Variants in CDC6 observed in about 807,000 individuals in gnomAD.
CDC6 encodes the protein DNA replication factor CDC6.
In CDC6, 46 loss-of-function variants were observed where a neutral mutation model predicts 60.2. The observed-to-expected ratio is 0.76, with a 90% CI of 0.60 to 0.98. The LOEUF is 0.98. Among genes scored for constraint, CDC6 ranks in the 50% least tolerant of loss-of-function variants. CDC6 has a pLI of 0.00. For synonymous variants in CDC6, 210 were observed against 233.2 expected, an observed-to-expected ratio of 0.90 and a Z score of 0.90; for missense variants, 596 against 652.9, an observed-to-expected ratio of 0.91 and a Z score of 0.95.
At position 40,289,533 on chromosome 17, in the gene CDC6, A is replaced by G. The variant is rs770558092; in HGVS notation, c.113A>G (p.Asn38Ser). The G allele has an allele frequency of 1.2e-6, 2 of 1,613,934 alleles. No homozygotes were observed. Among genetic ancestry groups the G allele is most frequent in the South Asian group, 2.2e-5 (2 of 91,078 alleles). Reference sequence around the variant, plus strand: ...AGTGATGCCAAACTAGAACCAACAAATGTCCAAACCGTAACCTGTTCTCCT... The same window carrying G: ...AGTGATGCCAAACTAGAACCAACAAGTGTCCAAACCGTAACCTGTTCTCCT... ...NSSDAKLEPT[N>S]VQTVTCSPRV... The change falls in exon 2 of 12, where the codon AAT becomes AGT. Residue 38 changes from asparagine to serine, a missense_variant. Coordinates refer to ENST00000209728, the MANE Select transcript of CDC6 (RefSeq NM_001254.4).
chr17:40,294,942 C>G (rs1463544874), intron 7 of CDC6, among the ~76,000 whole-genome samples: 1 of 152,100 alleles, frequency 6.6e-6, no homozygotes, highest in Non-Finnish European at 1.5e-5. Flanking sequence ...CCAGGCTGGT[C>G]TCGAACTCCT....
At position 40,302,350 on chromosome 17, in the gene CDC6, G is replaced by GTT; in HGVS notation, c.*356_*357dup. ...AACATGAGTGGGTATTTTTTTGTTTGTTTTTTTTGTTGTTGTTGTTTTTGA... is the reference window on the plus strand; with the variant it reads ...AACATGAGTGGGTATTTTTTTGTTTGTTTTTTTTTTGTTGTTGTTGTTTTTGA... On this transcript the variant is annotated 3_prime_UTR_variant, in exon 12 of 12. Transcript: ENST00000209728. 3.8e-6 allele frequency: 1 copy of GTT among 265,274 alleles called. No homozygotes were observed. Among genetic ancestry groups the GTT allele is most frequent in the East Asian group, 1.0e-4 (1 of 9,876 alleles). 16.4% of individuals were successfully genotyped at this position (265,274 alleles called of 1,614,324 possible). A position where few individuals can be genotyped will look rare whatever the true frequency, so the allele number is the denominator to read the frequency against.
chr17:40,299,663 C>T (rs1039205128), intron 9 of CDC6, among the ~76,000 whole-genome samples: 4 of 150,930 alleles, frequency 2.7e-5, no homozygotes, highest in Admixed American at 1.3e-4. Context: ...TTTGGGAGGC[C>T]GAGGAGGGCA....
In CDC6 at chr17:40,291,488, A is replaced by C. The variant is rs1266019564; in HGVS notation, c.480A>C (p.Ala160=). Residue 160 remains alanine (A), a synonymous_variant, in exon 4 of 12, where the codon GCA becomes GCC. Transcript: ENST00000209728. ...GCACAGGCACTTGCTACCAGCAAGC[A>C]AAGCTGGTCCTGAACACAGCTGTCC... The part of the protein sequence containing the change: ...FKQEGTCYQQ[A]KLVLNTAVPD... 3 of 1,614,222 alleles carry C rather than the reference A, an allele frequency of 1.9e-6. 1 individual carries two copies. The South Asian group carries it at 3.3e-5, about 18-fold the overall frequency.
chr17:40,291,821 C>G (rs565509768), intron 4 of CDC6, among the ~76,000 whole-genome samples, 153 bp downstream of exon 4: 2 of 152,238 alleles, frequency 1.3e-5, no homozygotes, highest in African/African-American at 4.8e-5. Flanking sequence ...TCTCGGCTCA[C>G]TGCAAGCTCT....
chr17:40,296,760 G>A lies in CDC6; in HGVS notation c.1242G>A (p.Leu414=). The A allele has an allele frequency of 1.9e-6, 3 of 1,592,498 alleles. No homozygotes were observed. The highest frequency in any genetic ancestry group is 2.6e-6 in the Non-Finnish European group (3 of 1,160,318). ...AAAGCCAGACTATTCTCAAACCACT[G>A]TCTGAATGTAAGTAGTTTATCTCCT... is the stretch of plus-strand genomic sequence containing the variant. The part of the protein sequence containing the change: ...DVKSQTILKP[L]SECKSPSEPL... The change falls in exon 9 of 12, where the codon CTG becomes CTA. Residue 414 remains leucine (L), a synonymous_variant. Coordinates refer to ENST00000209728, the MANE Select transcript of CDC6 (RefSeq NM_001254.4).
chr17:40,292,457 C>T (rs1330084337), intron 4 of CDC6, among the ~76,000 whole-genome samples: 2 of 151,584 alleles, frequency 1.3e-5, no homozygotes, highest in Non-Finnish European at 1.5e-5. Flanking sequence ...ATGGTGAAAC[C>T]CTGTCTCTAC....
chr17:40,294,352 TCTC>T lies in CDC6; in HGVS notation c.944-6_944-4del, dbSNP rs746767411. 1.9e-6 allele frequency: 3 copies of T among 1,590,074 alleles called. No individual in the cohort carries two copies. The highest frequency in any genetic ancestry group is 1.7e-6 in the Non-Finnish European group (2 of 1,158,646). ...TTTGACCAATGATCAATGTTGTTGA[TCTC>T]CTCCTTAGGTATTGCTAATACCCTG... On this transcript the variant is annotated splice_polypyrimidine_tract_variant and intron_variant, in intron 6 of 11. Coordinates refer to ENST00000209728, the MANE Select transcript of CDC6 (RefSeq NM_001254.4).
At chr17:40,288,966 G>C (rs1178681311) in intron 1 of CDC6, among the ~76,000 whole-genome samples, 3 of 152,220 alleles carry the variant, frequency 2.0e-5, no homozygotes, top group Non-Finnish European at 4.4e-5. Flanking sequence ...CTCCCAAAGT[G>C]CTGGGATTAC....
rs1208789625 is a variant in CDC6, at chr17:40,302,942, A to G, written c.*941A>G. On this transcript the variant is annotated 3_prime_UTR_variant, in exon 12 of 12. Coordinates refer to ENST00000209728, the MANE Select transcript of CDC6 (RefSeq NM_001254.4). ...GCATTCTTTGTCTTTTTAAGCAATC[A>G]GATTTCAAGAGAGCTCAAGCTTTCA... 6.6e-6 allele frequency: 1 copy of G among 152,214 alleles called. No homozygotes were observed. Among genetic ancestry groups the G allele is most frequent in the Admixed American group, 6.5e-5 (1 of 15,282 alleles). 9.4% of individuals were successfully genotyped at this position (152,214 alleles called of 1,614,324 possible).
rs2032960501 is a variant in CDC6, at chr17:40,302,925, T to A, written c.*924T>A. On this transcript the variant is annotated 3_prime_UTR_variant, in exon 12 of 12. Transcript: ENST00000209728. ...ATATTTATTTTCAAGTTGCATTCTTTGTCTTTTTAAGCAATCAGATTTCAA... is the reference window on the plus strand; with the variant it reads ...ATATTTATTTTCAAGTTGCATTCTTAGTCTTTTTAAGCAATCAGATTTCAA... 1 of 152,216 alleles carries A rather than the reference T, an allele frequency of 6.6e-6. No homozygotes were observed. The highest frequency in any genetic ancestry group is 1.5e-5 in the Non-Finnish European group (1 of 68,042). The allele number at this position is 152,216 out of a possible 1,614,324, so 9.4% of individuals were successfully genotyped here.
Position 40,287,989 on chromosome 17 carries a change from T to A in CDC6, c.-115T>A, listed in dbSNP as rs1369647532. 3.3e-5 allele frequency: 5 copies of A among 153,664 alleles called. No homozygotes were observed. The highest frequency in any genetic ancestry group is 1.2e-4 in the African/African-American group (5 of 41,428). The allele number at this position is 153,664 out of a possible 1,614,324, so 9.5% of individuals were successfully genotyped here. On this transcript the variant is annotated 5_prime_UTR_variant, in exon 1 of 12. Transcript: ENST00000209728. ...CTGCGTGTGAGAGACGTGAGAAGGATCCTGCACTGAGGAGGTGGAAAGAAG... is the reference window on the plus strand; with the variant it reads ...CTGCGTGTGAGAGACGTGAGAAGGAACCTGCACTGAGGAGGTGGAAAGAAG...
In CDC6 at chr17:40,291,144, C is replaced by T; in HGVS notation, c.265C>T (p.His89Tyr). ...GKKENGPPHS[H>Y]TLKGRRLVFD... The stretch of plus-strand genomic sequence containing the variant: ...GAAAGAGAATGGTCCCCCTCACTCA[C>T]ATACACTTAAGGGACGAAGATTGGT... The change falls in exon 3 of 12, where the codon CAT becomes TAT. Residue 89 changes from histidine (H) to tyrosine (Y), a missense_variant. By Grantham distance (83) the His-to-Tyr change is moderately conservative. Coordinates refer to ENST00000209728, the MANE Select transcript of CDC6 (RefSeq NM_001254.4). 1 of 1,614,150 alleles carries T rather than the reference C, an allele frequency of 6.2e-7. No homozygotes were observed. Among genetic ancestry groups the T allele is most frequent in the East Asian group, 2.2e-5 (1 of 44,892 alleles).
intron 1 of CDC6, 152 bp from the exon 2 acceptor site, chr17:40,289,254 GAT>G: frequency 1.4e-6 from 1 of 693,876 alleles, no homozygotes. Context: ...TTCTTGCATA[GAT>G]TTGGATGTGA....
At chr17:40,293,670 T>G in intron 5 of CDC6, 39 bp downstream of exon 5, 2 of 1,493,710 alleles carry the variant, frequency 1.3e-6, no homozygotes. Flanking sequence ...TGTGAAAATC[T>G]GCAAGGTCTG....
At position 40,302,024 on chromosome 17, in the gene CDC6, G is replaced by A. The variant is rs558569986; in HGVS notation, c.*23G>A. ...TAAATTCTTCTCTTACACCCCACCC[G>A]AAAGTATTCAGCTGGCATTTAGAGA... On this transcript the variant is annotated 3_prime_UTR_variant, in exon 12 of 12. Transcript: ENST00000209728. 9 of 1,322,658 alleles carry A rather than the reference G, an allele frequency of 6.8e-6. No individual in the cohort carries two copies. The highest frequency in any genetic ancestry group is 1.4e-5 in the African/African-American group (1 of 69,126). The allele number at this position is 1,322,658 out of a possible 1,614,324, so 81.9% of individuals were successfully genotyped here.
At chr17:40,301,167 G>A (rs566771163) in intron 10 of CDC6, 137 bp downstream of exon 10, 2 of 747,808 alleles carry the variant, frequency 2.7e-6, no homozygotes, top group Non-Finnish European at 4.8e-6. Flanking sequence ...ATTAATACTG[G>A]TACTATATAA....
intron 7 of CDC6, among the ~76,000 whole-genome samples, chr17:40,295,095 A>C (rs1225322276): frequency 6.6e-6 from 1 of 152,094 alleles, no homozygotes; most frequent in Admixed American, 6.6e-5. Context: ...AAAATGACTA[A>C]ATAGATTTTT....
chr17:40,293,980 G>A lies in CDC6; in HGVS notation c.867G>A (p.Leu289=), dbSNP rs1340283669. Residue 289 remains leucine, a synonymous_variant, in exon 6 of 12, where the codon CTG becomes CTA. Transcript: ENST00000209728. ...TGGTATTGGACGAGATGGATCAACT[G>A]GACAGCAAAGGCCAGGATGTATTGT... The part of the protein sequence containing the change: ...IVLVLDEMDQ[L]DSKGQDVLYT... The A allele has an allele frequency of 6.2e-7, 1 of 1,613,926 alleles. No homozygotes were observed.
Sources: gnomAD v4.1 joint callset for allele counts (sites outside exome capture counted in the v4.1 genomes callset) on GRCh38, gnomAD v4.1.1 for gene constraint, MANE v1.5 for transcripts, NCBI Gene and HGNC (gene_info 2026-07-23, HGNC 2026-07-21) for gene names.